The following PDE4D variants were observed in gnomAD, a reference collection of about 807,000 sequenced individuals.
PDE4D encodes 3',5'-cyclic-AMP phosphodiesterase 4D.
Under a neutral mutation model 87.4 loss-of-function variants are expected in PDE4D, and 24 were observed. That is an observed-to-expected ratio of 0.27 (90% confidence interval 0.20 to 0.39). PDE4D has a LOEUF of 0.39. Among genes scored for constraint, PDE4D ranks in the 10% least tolerant of loss-of-function variants. The pLI is 1.00. For synonymous variants in PDE4D, 384 were observed against 383.2 expected (o/e 1.00, Z -0.02); for missense variants, 714 against 1,041.0 (o/e 0.69, Z 4.32).
intron 2 of PDE4D, among the ~76,000 whole-genome samples, chr5:60,101,947 G>T (rs2149332794): frequency 6.6e-6 from 1 of 152,036 alleles, no homozygotes; most frequent in South Asian, 2.1e-4. Context: ...TTTCTGTCTG[G>T]GTCTTGGCAA....
chr5:59,248,041 GTAAAAA>G (rs777008069), intron 1 of PDE4D, among the ~76,000 whole-genome samples: 11 of 47,836 alleles, frequency 2.3e-4, no homozygotes, highest in African/African-American at 7.2e-4. Flanking sequence ...GTATCTATTA[GTAAAAA>G]AAAAAAAAAA....
At chr5:59,977,508 G>T (rs1041811405) in intron 3 of PDE4D, among the ~76,000 whole-genome samples, 1 of 152,114 alleles carries the variant, frequency 6.6e-6, no homozygotes, top group African/African-American at 2.4e-5. Context: ...ATACATAAAA[G>T]TACAGGGTGC....
At chr5:59,304,343 A>C (rs988157345) in intron 1 of PDE4D, among the ~76,000 whole-genome samples, 7 of 152,092 alleles carry the variant, frequency 4.6e-5, no homozygotes, top group African/African-American at 1.7e-4. Flanking sequence ...ATCAGCAAAC[A>C]GTGACAGTTT....
chr5:59,039,549 G>T, intron 5 of PDE4D: 1 of 982,824 alleles, frequency 1.0e-6, no homozygotes, highest in Non-Finnish European at 1.2e-6. Context: ...CGGGCGGCAG[G>T]CGCAGCGCGG....
chr5:60,150,553 C>T (rs886998299), intron 2 of PDE4D, among the ~76,000 whole-genome samples: 2 of 151,998 alleles, frequency 1.3e-5, no homozygotes, highest in Non-Finnish European at 2.9e-5. Flanking sequence ...TCTATGCTCA[C>T]TGGTCTGATG....
At chr5:60,442,797 A>T (rs2150136436) in intron 1 of PDE4D, among the ~76,000 whole-genome samples, 1 of 152,260 alleles carries the variant, frequency 6.6e-6, no homozygotes, top group East Asian at 1.9e-4. Flanking sequence ...CATTAATGTA[A>T]ATATTTCAAA....
chr5:60,212,725 G>A (rs1743395339), intron 1 of PDE4D, among the ~76,000 whole-genome samples: 1 of 152,176 alleles, frequency 6.6e-6, no homozygotes, highest in Non-Finnish European at 1.5e-5. Context: ...AAAGTTGTAT[G>A]TGTCAATAAA....
chr5:59,189,632 A>G (rs1458596771), intron 3 of PDE4D, among the ~76,000 whole-genome samples: 4 of 152,162 alleles, frequency 2.6e-5, no homozygotes, highest in South Asian at 2.1e-4. Context: ...GTGCCTCCTT[A>G]GTGCTCCTTG....
intron 1 of PDE4D, chr5:60,521,854 A>C (rs1281969243): frequency 1.3e-5 from 2 of 152,064 alleles, no homozygotes; most frequent in African/African-American, 2.4e-5. Context: ...AAATCTGGCC[A>C]AGAGCTCAGC....
chr5:60,146,742 A>C (rs190888956), intron 2 of PDE4D, among the ~76,000 whole-genome samples: 1 of 152,218 alleles, frequency 6.6e-6, no homozygotes, highest in South Asian at 2.1e-4. Flanking sequence ...TTCGCACCTG[A>C]TATGAAGTTA....
chr5:59,144,720 T>C (rs901913543), intron 5 of PDE4D, among the ~76,000 whole-genome samples: 1 of 152,146 alleles, frequency 6.6e-6, no homozygotes, highest in Non-Finnish European at 1.5e-5. Flanking sequence ...TGCAATCAAG[T>C]AGATGAGTAA....
At chr5:59,517,299 C>CT (rs1442696242) in intron 1 of PDE4D, among the ~76,000 whole-genome samples, 1 of 151,992 alleles carries the variant, frequency 6.6e-6, no homozygotes, top group South Asian at 2.1e-4. Context: ...CTTTGAAAGT[C>CT]TTTTTTTGTA....
At chr5:59,707,105 CAGTT>C (rs1462786227) in intron 1 of PDE4D, among the ~76,000 whole-genome samples, 1 of 152,082 alleles carries the variant, frequency 6.6e-6, no homozygotes, top group Non-Finnish European at 1.5e-5. Context: ...GTTTTTGTTA[CAGTT>C]AGTAACATTA....
chr5:59,365,432 C>G (rs1193794719), intron 1 of PDE4D, among the ~76,000 whole-genome samples: 2 of 152,128 alleles, frequency 1.3e-5, no homozygotes, highest in Non-Finnish European at 2.9e-5. Context: ...AACTCCAGCA[C>G]TCCAGCCTGG....
At chr5:60,263,168 G>C (rs899261507) in intron 1 of PDE4D, among the ~76,000 whole-genome samples, 5 of 152,168 alleles carry the variant, frequency 3.3e-5, no homozygotes, top group Non-Finnish European at 5.9e-5. Flanking sequence ...TGTTAATGAG[G>C]CTTAGGACCA....
At chr5:59,618,918 C>T (rs893918705) in intron 1 of PDE4D, among the ~76,000 whole-genome samples, 2 of 152,106 alleles carry the variant, frequency 1.3e-5, no homozygotes, top group East Asian at 1.9e-4. Context: ...AGAAAGCCCT[C>T]GCAAGATGCT....
At chr5:59,916,695 T>C (rs1754079735) in intron 3 of PDE4D, among the ~76,000 whole-genome samples, 1 of 152,218 alleles carries the variant, frequency 6.6e-6, no homozygotes, top group Non-Finnish European at 1.5e-5. Context: ...GAGATGGTTC[T>C]AGATATTGGC....
At chr5:59,768,662 G>T in intron 1 of PDE4D, 1 of 1,495,510 alleles carries the variant, frequency 6.7e-7, no homozygotes, top group Non-Finnish European at 8.8e-7. Context: ...CCTGGGGCTG[G>T]GTGCAGAGGA....
chr5:59,437,785 G>A (rs1378390586), intron 1 of PDE4D, among the ~76,000 whole-genome samples: 1 of 152,096 alleles, frequency 6.6e-6, no homozygotes, highest in African/African-American at 2.4e-5. Flanking sequence ...AATATTATGA[G>A]ATAGAAATAA....
Sources: gnomAD v4.1 joint callset for allele counts (sites outside exome capture counted in the v4.1 genomes callset) on GRCh38, gnomAD v4.1.1 for gene constraint, MANE v1.5 for transcripts, NCBI Gene and HGNC (gene_info 2026-07-23, HGNC 2026-07-21) for gene names.